Variants in ZNF678 observed in about 807,000 individuals in gnomAD.
ZNF678 encodes zinc finger protein 678, also known as hypothetical protein MGC42493.
In ZNF678, 5 loss-of-function variants were observed where a neutral mutation model predicts 3.0. The ratio of observed to expected loss-of-function variants is 1.69; its 90% CI spans 0.88 to 3.56. ZNF678 has a LOEUF of 3.56. Ranked by LOEUF, ZNF678 falls within the 30% of genes most tolerant of loss-of-function variation. The pLI is 0.00. For missense variants in ZNF678, 593 were observed against 605.0 expected (o/e 0.98, Z 0.21); for synonymous variants, 218 against 199.6 (o/e 1.09, Z -0.78).
rs549797569 is a variant in ZNF678 at position 227,621,855 on chromosome 1, C to G, written c.-163-24689C>G. Among the ~76,000 whole-genome samples the G allele has an allele frequency of 4.6e-4, 70 of 152,282 alleles. No homozygotes were observed. In the South Asian group the frequency reaches 0.011, roughly 23 times the overall value. The stretch of plus-strand genomic sequence containing the variant: ...TTCTCCCTTTGGAGTTTAGGTACCA[C>G]TGACCACCATCAACATTAATTAAAA... On this transcript the variant is annotated intron_variant, in intron 1 of 3. Coordinates refer to ENST00000343776, the MANE Select transcript of ZNF678 (RefSeq NM_001367909.1).
chr1:227,655,484 A>G lies in ZNF678; in HGVS notation c.1234A>G (p.Lys412Glu). 6.2e-7 allele frequency: 1 copy of G among 1,612,610 alleles called. No individual in the cohort carries two copies. Among genetic ancestry groups the G allele is most frequent in the Non-Finnish European group, 8.5e-7 (1 of 1,179,320 alleles). The change falls in exon 4 of 4, where the codon AAA (lysine) becomes GAA (glutamate). Residue 412 changes from lysine (K) to glutamate (E), a missense_variant. By Grantham distance (56) the Lys-to-Glu change is moderately conservative (BLOSUM62 1). Coordinates refer to ENST00000343776, the MANE Select transcript of ZNF678 (RefSeq NM_001367909.1). ...VKPYKCEECG[K>E]VFKQCSHLTS... ...ACCCTACAAATGTGAAGAATGTGGG[A>G]AAGTTTTTAAACAGTGCTCTCACCT...
chr1:227,607,064 T>A (rs886658242), intron 1 of ZNF678, among the ~76,000 whole-genome samples: 2 of 152,244 alleles, frequency 1.3e-5, no homozygotes, highest in African/African-American at 4.8e-5. Flanking sequence ...CCAAAAAATT[T>A]GGCAGAATTA....
At chr1:227,598,819 T>G (rs1349231407) in intron 1 of ZNF678, 1 of 572,406 alleles carries the variant, frequency 1.7e-6, no homozygotes, top group African/African-American at 1.9e-5. Context: ...GAAGAACTGC[T>G]GGAAGAATTA....
intron 1 of ZNF678, among the ~76,000 whole-genome samples, chr1:227,586,791 T>G (rs1657274069): frequency 6.6e-6 from 1 of 152,180 alleles, no homozygotes; most frequent in South Asian, 2.1e-4. Flanking sequence ...GTGCCAGGCA[T>G]CATGTGTTTG....
rs185152769 is a variant in ZNF678, at chr1:227,608,152, A to G, written c.-163-38392A>G. 1.1e-4 allele frequency among the ~76,000 whole-genome samples: 17 copies of G among 152,276 alleles called. No individual in the cohort carries two copies. In the East Asian group the frequency reaches 3.3e-3, roughly 29 times the overall value. On this transcript the variant is annotated intron_variant, in intron 1 of 3. Coordinates refer to ENST00000343776, the MANE Select transcript of ZNF678 (RefSeq NM_001367909.1). ...CAGGTTGCATTTTCTGTGAATAACA[A>G]TAAAATGTACCAGTTAAAATTGTAA...
intron 1 of ZNF678, among the ~76,000 whole-genome samples, chr1:227,635,602 A>G (rs10916188): frequency 0.69 from 103,862 of 150,152 alleles, 37,285 homozygotes; most frequent in African/African-American, 0.89. Context: ...GAGTGCCGGC[A>G]GGCTGAGGCC....
Position 227,654,978 on chromosome 1 carries a change from G to T in ZNF678, c.728G>T (p.Cys243Phe), listed in dbSNP as rs1261981891. 1 of 1,612,258 alleles carries T rather than the reference G, an allele frequency of 6.2e-7. No individual in the cohort carries two copies. The highest frequency in any genetic ancestry group is 8.5e-7 in the Non-Finnish European group (1 of 1,179,358). The change falls in exon 4 of 4, where the codon TGC becomes TTC. Residue 243 changes from cysteine to phenylalanine, a missense_variant. Physicochemically the swap from Cys to Phe is radical, Grantham distance 205. Coordinates refer to ENST00000343776, the MANE Select transcript of ZNF678 (RefSeq NM_001367909.1). ...AAACCCTACAAATGCAAAGAATGTT[G>T]CAAAGCCTTTAACAAGTTCTCAAAC... is the stretch of plus-strand genomic sequence containing the variant. ...GEKPYKCKECCKAFNKFSNLT... is the reference protein window; with the variant it reads ...GEKPYKCKECFKAFNKFSNLT...
chr1:227,602,906 G>T (rs1235205297), intron 1 of ZNF678, among the ~76,000 whole-genome samples: 1 of 152,216 alleles, frequency 6.6e-6, no homozygotes, highest in African/African-American at 2.4e-5. Context: ...TGAGGTATGA[G>T]AATTGCTTGA....
Position 227,659,921 on chromosome 1 carries a change from T to C in ZNF678, c.*4093T>C, listed in dbSNP as rs1425063097. On this transcript the variant is annotated 3_prime_UTR_variant, in exon 4 of 4. Transcript: ENST00000343776. ...ATATATTCTCAATAACTGTATTCAC[T>C]CTGCACTACAATAGGTCTCTTGAAC... is the stretch of plus-strand genomic sequence containing the variant. 3 of 152,030 alleles carry C rather than the reference T, an allele frequency of 2.0e-5. No individual in the cohort carries two copies. The highest frequency in any genetic ancestry group is 7.2e-5 in the African/African-American group (3 of 41,416). 9.4% of individuals were successfully genotyped at this position (152,030 alleles called of 1,614,324 possible).
At chr1:227,675,215 A>G (rs1659660792) in intron 5 of ZNF678, among the ~76,000 whole-genome samples, 1 of 152,198 alleles carries the variant, frequency 6.6e-6, no homozygotes, top group African/African-American at 2.4e-5. Flanking sequence ...AAGATGCACC[A>G]GAGAACTTTC....
intron 1 of ZNF678, chr1:227,598,589 C>T: frequency 1.5e-6 from 1 of 653,362 alleles, no homozygotes; most frequent in South Asian, 1.8e-5. Flanking sequence ...CTGACAAGGA[C>T]TTGGATGATA....
intron 1 of ZNF678, among the ~76,000 whole-genome samples, chr1:227,639,130 C>T (rs1376045959): frequency 7.2e-5 from 11 of 152,138 alleles, no homozygotes; most frequent in Admixed American, 5.9e-4. Flanking sequence ...GCTCATAGTC[C>T]AACTTCCAGT....
chr1:227,678,302 G>A (rs991426359), downstream of ZNF678, among the ~76,000 whole-genome samples: 5 of 152,090 alleles, frequency 3.3e-5, no homozygotes, highest in African/African-American at 1.2e-4. Flanking sequence ...CCCTCCTAAG[G>A]GACTACACTG....
At chr1:227,589,630 G>A (rs948302554) in intron 1 of ZNF678, among the ~76,000 whole-genome samples, 1 of 151,678 alleles carries the variant, frequency 6.6e-6, no homozygotes, top group Non-Finnish European at 1.5e-5. Context: ...AGAGGGCTGT[G>A]ATCAATTGAG....
chr1:227,667,422 CT>C (rs1447390972), downstream of ZNF678, among the ~76,000 whole-genome samples: 1 of 152,164 alleles, frequency 6.6e-6, no homozygotes, highest in African/African-American at 2.4e-5. Flanking sequence ...GGGCCTTGCT[CT>C]TTCCCCCTGC....
intron 1 of ZNF678, among the ~76,000 whole-genome samples, chr1:227,597,412 C>G (rs1019781440): frequency 6.6e-6 from 1 of 152,136 alleles, no homozygotes; most frequent in African/African-American, 2.4e-5. Context: ...AGTTTTGGGG[C>G]CAGTTTATGG....
At chr1:227,574,212 G>GT (rs765878476) in intron 1 of ZNF678, among the ~76,000 whole-genome samples, 13 of 152,144 alleles carry the variant, frequency 8.5e-5, no homozygotes, top group Non-Finnish European at 1.3e-4. Context: ...TGGGTCAAAT[G>GT]GTATTTCTGT....
chr1:227,606,395 G>A (rs1395669317), intron 1 of ZNF678, among the ~76,000 whole-genome samples: 1 of 152,200 alleles, frequency 6.6e-6, no homozygotes, highest in Non-Finnish European at 1.5e-5. Flanking sequence ...ACATCTCAGT[G>A]TAGCAAAGAG....
intron 1 of ZNF678, among the ~76,000 whole-genome samples, chr1:227,563,931 C>T (rs1451586787): frequency 6.6e-6 from 1 of 152,226 alleles, no homozygotes. Context: ...GCCGCAGCCC[C>T]GCGGGTCCCC....
Sources: allele counts gnomAD v4.1 joint callset (sites outside exome capture counted in the v4.1 genomes callset), GRCh38; gene constraint gnomAD v4.1.1; transcripts MANE v1.5; gene names NCBI Gene and HGNC (gene_info 2026-07-23, HGNC 2026-07-21).